Variants in LIPA observed in about 807,000 individuals in gnomAD.
The protein encoded by LIPA is lipase A, lysosomal acid type.
In LIPA, 26 loss-of-function variants were observed where a neutral mutation model predicts 40.6. The ratio of observed to expected loss-of-function variants is 0.64; its 90% confidence interval spans 0.47 to 0.89. The LOEUF (loss-of-function observed/expected upper bound fraction) is 0.89. LIPA is among the 40% of genes least tolerant of loss of function. The pLI is 0.00. For synonymous variants in LIPA, 188 were observed against 168.4 expected (o/e 1.12, Z -0.90); for missense variants, 455 against 479.6 (o/e 0.95, Z 0.48).
chr10:89,215,768 C>T (rs1842617639), intron 9 of LIPA, among the ~76,000 whole-genome samples, 170 bp downstream of exon 9: 2 of 152,202 alleles, frequency 1.3e-5, no homozygotes, highest in Non-Finnish European at 2.9e-5. Context: ...GTCCACAACA[C>T]CAGCTACAAA....
intron 8 of LIPA, among the ~76,000 whole-genome samples, chr10:89,216,281 A>G (rs1842625269): frequency 6.6e-6 from 1 of 152,002 alleles, no homozygotes; most frequent in African/African-American, 2.4e-5. Flanking sequence ...CTAGATCAAC[A>G]GTTGCTCCTG....
chr10:89,371,170 C>G (rs1184357721), intron 2 of LIPA, among the ~76,000 whole-genome samples: 1 of 152,242 alleles, frequency 6.6e-6, no homozygotes, highest in Non-Finnish European at 1.5e-5. Context: ...TATCACAGAA[C>G]TCATACAGAC....
intron 3 of LIPA, 130 bp from the exon 4 acceptor site, chr10:89,228,528 A>C: frequency 1.2e-6 from 1 of 835,210 alleles, no homozygotes; most frequent in Non-Finnish European, 2.0e-6. Context: ...AAAGATTGAC[A>C]TAGTGATGTA....
At chr10:89,290,749 A>G (rs1269941304) in intron 1 of LIPA, among the ~76,000 whole-genome samples, 5 of 152,120 alleles carry the variant, frequency 3.3e-5, no homozygotes, top group Non-Finnish European at 7.4e-5. Flanking sequence ...ATTTTCCACT[A>G]TCTACCCAAA....
intron 1 of LIPA, chr10:89,339,194 T>C (rs775136197): frequency 1.9e-6 from 3 of 1,614,094 alleles, no homozygotes; most frequent in African/African-American, 2.7e-5. Flanking sequence ...GCAATTGCGA[T>C]GTACCATCTG....
At chr10:89,258,897 T>A (rs899112177) in intron 1 of LIPA, among the ~76,000 whole-genome samples, 11 of 152,184 alleles carry the variant, frequency 7.2e-5, no homozygotes, top group African/African-American at 2.4e-4. Flanking sequence ...GCACTGATAC[T>A]AACTACAACA....
intron 1 of LIPA, among the ~76,000 whole-genome samples, chr10:89,266,273 T>C (rs1843235830): frequency 6.6e-6 from 1 of 152,184 alleles, no homozygotes; most frequent in Non-Finnish European, 1.5e-5. Context: ...GATATGTCTT[T>C]TTTTATGTAA....
chr10:89,413,181 A>G (rs61619045), intron 1 of LIPA, among the ~76,000 whole-genome samples: 17,238 of 152,228 alleles, frequency 0.11, 2,289 homozygotes, highest in African/African-American at 0.32. Flanking sequence ...GAGTTCATAA[A>G]ATTTGCAACT....
chr10:89,320,413 A>G (rs986834464), intron 1 of LIPA, among the ~76,000 whole-genome samples: 2 of 152,186 alleles, frequency 1.3e-5, no homozygotes, highest in African/African-American at 4.8e-5. Flanking sequence ...AAGCATTCCT[A>G]TACACCAATA....
At chr10:89,290,552 T>C (rs1392120193) in intron 1 of LIPA, among the ~76,000 whole-genome samples, 1 of 152,212 alleles carries the variant, frequency 6.6e-6, no homozygotes, top group Non-Finnish European at 1.5e-5. Flanking sequence ...GACCTGCACG[T>C]ATAAATCCAG....
intron 2 of LIPA, among the ~76,000 whole-genome samples, chr10:89,390,143 C>T (rs903935226): frequency 5.3e-5 from 8 of 151,956 alleles, no homozygotes; most frequent in African/African-American, 1.2e-4. Context: ...TGTGCCACCA[C>T]GCCCGGCTAA....
chr10:89,359,541 CA>C (rs1423212185), intron 2 of LIPA, among the ~76,000 whole-genome samples: 2 of 152,142 alleles, frequency 1.3e-5, no homozygotes, highest in African/African-American at 4.8e-5. Context: ...GGCTTTTCAG[CA>C]AAATGCTCAG....
chr10:89,249,263 T>C lies in LIPA; in HGVS notation c.-1-1614A>G, dbSNP rs536421553. Among the ~76,000 whole-genome samples, 240 of 152,380 alleles carry C rather than the reference T, an allele frequency of 1.6e-3. 1 individual carries two copies. Among genetic ancestry groups the C allele is most frequent in the African/African-American group, 4.7e-3 (195 of 41,602 alleles). On this transcript the variant is annotated intron_variant, in intron 1 of 9. Coordinates refer to ENST00000336233, the MANE Select transcript of LIPA (RefSeq NM_000235.4). ...AATCAACAAAGACCATCTTGGTTTC[T>C]GGCAGTGATGACTCAAAATCACAGC...
At chr10:89,402,302 G>T (rs1844438364) in intron 2 of LIPA, 1 of 1,612,178 alleles carries the variant, frequency 6.2e-7, no homozygotes, top group Admixed American at 1.7e-5. Context: ...ATGATCATCA[G>T]GTCAAGGATA....
At chr10:89,302,212 G>A in intron 1 of LIPA, 1 of 1,419,822 alleles carries the variant, frequency 7.0e-7, no homozygotes, top group Non-Finnish European at 1.0e-6. Flanking sequence ...TCCCAAAGAG[G>A]GCCAGCTCCA....
chr10:89,363,773 T>TC (rs1844038381), intron 2 of LIPA, among the ~76,000 whole-genome samples: 1 of 10,450 alleles, frequency 9.6e-5, no homozygotes, highest in African/African-American at 6.8e-4. Context: ...CCAGACTCCA[T>TC]CAAAAAAAAA....
intron 1 of LIPA, among the ~76,000 whole-genome samples, chr10:89,265,335 G>C (rs75815802): frequency 6.6e-6 from 1 of 152,114 alleles, no homozygotes; most frequent in East Asian, 1.9e-4. Context: ...CTGCCAACTC[G>C]GAAGGGGACA....
intron 1 of LIPA, among the ~76,000 whole-genome samples, chr10:89,294,982 G>C (rs1183980473): frequency 9.9e-6 from 1 of 100,572 alleles, no homozygotes; most frequent in Non-Finnish European, 2.1e-5. Flanking sequence ...TGTCTGAAAA[G>C]AAAAAAGAAA....
At chr10:89,352,116 A>G (rs1246516447) in intron 2 of LIPA, among the ~76,000 whole-genome samples, 1 of 152,222 alleles carries the variant, frequency 6.6e-6, no homozygotes, top group Non-Finnish European at 1.5e-5. Context: ...CTGGAAAACA[A>G]GAAATAGAGG....
Sources: allele counts gnomAD v4.1 joint callset (sites outside exome capture counted in the v4.1 genomes callset), GRCh38; gene constraint gnomAD v4.1.1; transcripts MANE v1.5; gene names NCBI Gene and HGNC (gene_info 2026-07-23, HGNC 2026-07-21).